CELF4: variants seen among roughly 807,000 people sequenced by gnomAD.
CELF4 encodes CUG-BP- and ETR-3-like factor 4.
Under a neutral mutation model 59.9 loss-of-function variants are expected in CELF4, and 18 were observed. That is an observed-to-expected ratio of 0.30 (90% CI 0.21 to 0.45). The LOEUF (loss-of-function observed/expected upper bound fraction) is 0.45, where lower values mean the gene tolerates loss of function less well. Among genes scored for constraint, CELF4 ranks in the 20% least tolerant of loss-of-function variants. The pLI, the probability that CELF4 is intolerant of heterozygous loss-of-function variation, is 1.00. For synonymous variants in CELF4, 261 were observed against 267.1 expected (o/e 0.98, Z 0.22); for missense variants, 456 against 689.0 (o/e 0.66, Z 3.79).
intron 2 of CELF4, among the ~76,000 whole-genome samples, chr18:37,336,851 C>T (rs769560542): frequency 5.9e-5 from 9 of 152,352 alleles, no homozygotes; most frequent in East Asian, 3.9e-4. Context: ...TCAAGGCAGG[C>T]GCTGGCCCTG....
At chr18:37,259,896 A>G (rs2073222537) in intron 10 of CELF4, among the ~76,000 whole-genome samples, 1 of 152,214 alleles carries the variant, frequency 6.6e-6, no homozygotes, top group Non-Finnish European at 1.5e-5. Context: ...GAAGCGCTGC[A>G]ACTGAGGCTC....
chr18:37,526,624 A>C (rs904159864), intron 1 of CELF4, among the ~76,000 whole-genome samples: 19 of 152,242 alleles, frequency 1.2e-4, no homozygotes, highest in African/African-American at 3.4e-4. Flanking sequence ...CGTTGAAGGC[A>C]GCTTGCTGCA....
chr18:37,324,343 T>G (rs777740716), intron 2 of CELF4, among the ~76,000 whole-genome samples: 3 of 152,086 alleles, frequency 2.0e-5, no homozygotes, highest in Non-Finnish European at 4.4e-5. Flanking sequence ...AGGGCCCTCA[T>G]CCCATATGAT....
chr18:37,258,399 C>T (rs988834652), intron 11 of CELF4, among the ~76,000 whole-genome samples: 1 of 152,124 alleles, frequency 6.6e-6, no homozygotes, highest in African/African-American at 2.4e-5. Flanking sequence ...GGAGTTCCCT[C>T]CCTTCCTTTT....
intron 8 of CELF4, among the ~76,000 whole-genome samples, chr18:37,267,663 G>A (rs1471023793): frequency 6.6e-6 from 1 of 152,204 alleles, no homozygotes; most frequent in Non-Finnish European, 1.5e-5. Context: ...CAGGCTTTGG[G>A]ACCTTTAGTC....
chr18:37,441,895 C>T (rs1259159656), intron 2 of CELF4, among the ~76,000 whole-genome samples: 1 of 152,136 alleles, frequency 6.6e-6, no homozygotes. Context: ...CACACCTGAA[C>T]TGCAAAGACC....
At chr18:37,536,809 C>T (rs374893721) in intron 1 of CELF4, among the ~76,000 whole-genome samples, 6 of 152,300 alleles carry the variant, frequency 3.9e-5, no homozygotes, top group South Asian at 2.1e-4. Context: ...GGCTTTCACA[C>T]GCTCACATAA....
intron 1 of CELF4, among the ~76,000 whole-genome samples, chr18:37,546,942 G>A (rs911349852): frequency 1.4e-4 from 21 of 152,264 alleles, no homozygotes; most frequent in African/African-American, 5.1e-4. Context: ...TCCAGCACAT[G>A]TAGCTCAAGT....
intron 2 of CELF4, among the ~76,000 whole-genome samples, chr18:37,443,123 T>A (rs563794505): frequency 1.3e-5 from 2 of 152,158 alleles, no homozygotes; most frequent in South Asian, 4.2e-4. Flanking sequence ...GGAGTGGGGA[T>A]GGGATTGGGA....
Position 37,253,988 on chromosome 18 carries a change from G to T in CELF4, c.1334-50C>A. On this transcript the variant is annotated intron_variant, in intron 11 of 12. Transcript: ENST00000420428. This position sits in a 1 kb window ranked among gnomAD's most constrained non-coding sequence, Gnocchi z 4.5. Reference sequence around the variant, plus strand: ...CCTGGGTTTCCACGGGGCCGCCCGGGGCGCTGCCGGCGGGGAGGGGTCGGG... The same window carrying T: ...CCTGGGTTTCCACGGGGCCGCCCGGTGCGCTGCCGGCGGGGAGGGGTCGGG... The T allele has an allele frequency of 6.5e-7, 1 of 1,526,792 alleles. No individual in the cohort carries two copies. The highest frequency in any genetic ancestry group is 8.8e-7 in the Non-Finnish European group (1 of 1,133,698). The allele number at this position is 1,526,792 out of a possible 1,614,324, so 94.6% of individuals were successfully genotyped here.
chr18:37,336,622 A>G (rs2154543921), intron 2 of CELF4, among the ~76,000 whole-genome samples: 1 of 152,290 alleles, frequency 6.6e-6, no homozygotes, highest in Admixed American at 6.5e-5. Context: ...CATATGTGTG[A>G]CAGTGTGCCC....
At chr18:37,255,876 C>G (rs970741225) in intron 11 of CELF4, among the ~76,000 whole-genome samples, 1 of 152,142 alleles carries the variant, frequency 6.6e-6, no homozygotes, top group Non-Finnish European at 1.5e-5. Flanking sequence ...ACAGGCGTAG[C>G]GGCAGGCAGA....
At chr18:37,565,241 G>T (rs1361785117) in intron 1 of CELF4, 115 bp downstream of exon 1, 4 of 1,219,610 alleles carry the variant, frequency 3.3e-6, no homozygotes, top group East Asian at 2.5e-5. Context: ...CCTCCACCGC[G>T]CCCGCCCGAG....
intron 2 of CELF4, among the ~76,000 whole-genome samples, chr18:37,331,897 G>T (rs1454153362): frequency 6.6e-6 from 1 of 152,178 alleles, no homozygotes; most frequent in Non-Finnish European, 1.5e-5. Context: ...GGCCGCAGAG[G>T]ATCTGGTGTG....
chr18:37,558,273 T>C lies in CELF4; in HGVS notation c.286+7083A>G, dbSNP rs953060123. 2.0e-5 allele frequency among the ~76,000 whole-genome samples: 3 copies of C among 152,126 alleles called. No individual in the cohort carries two copies. The East Asian group carries it at 5.8e-4, about 30-fold the overall frequency. On this transcript the variant is annotated intron_variant, in intron 1 of 12. Coordinates refer to ENST00000420428, the MANE Select transcript of CELF4 (RefSeq NM_020180.4). Reference sequence around the variant, plus strand: ...GGGTAGGGCTGTGGCTTGGGCTTTATACCCACCTAGGGCTATGCGGAACTT... The same window carrying C: ...GGGTAGGGCTGTGGCTTGGGCTTTACACCCACCTAGGGCTATGCGGAACTT...
intron 1 of CELF4, among the ~76,000 whole-genome samples, chr18:37,494,523 G>A (rs2099922713): frequency 1.3e-5 from 2 of 152,212 alleles, no homozygotes; most frequent in African/African-American, 4.8e-5. Flanking sequence ...GAGAGCATGA[G>A]GGTGCTCCCT....
chr18:37,517,870 C>T (rs1291322597), intron 1 of CELF4, among the ~76,000 whole-genome samples: 1 of 152,172 alleles, frequency 6.6e-6, no homozygotes, highest in South Asian at 2.1e-4. Context: ...ACACAGGATT[C>T]CCCGTGGCAG....
chr18:37,504,012 G>A (rs1371483154), intron 1 of CELF4, among the ~76,000 whole-genome samples: 2 of 152,192 alleles, frequency 1.3e-5, no homozygotes, highest in Admixed American at 6.5e-5. Flanking sequence ...AGGAGAGGAT[G>A]GGAGTTCCTG....
At chr18:37,454,646 G>A (rs1412895249) in intron 2 of CELF4, among the ~76,000 whole-genome samples, 1 of 152,142 alleles carries the variant, frequency 6.6e-6, no homozygotes, top group African/African-American at 2.4e-5. Context: ...CCATCAATAT[G>A]GAAATGTCCA....
Sources: allele counts gnomAD v4.1 joint callset (sites outside exome capture counted in the v4.1 genomes callset), GRCh38; gene constraint gnomAD v4.1.1; non-coding constraint Gnocchi (gnomAD v3.1); transcripts MANE v1.5; gene names NCBI Gene and HGNC (gene_info 2026-07-23, HGNC 2026-07-21).